OGDH: variants seen among roughly 807,000 people sequenced by gnomAD.
OGDH encodes oxoglutarate dehydrogenase.
A neutral mutation model predicts 116.6 loss-of-function variants in OGDH; 38 were observed. That is an observed-to-expected ratio of 0.33 (90% CI 0.25 to 0.43). The LOEUF (loss-of-function observed/expected upper bound fraction) is 0.43, where lower values mean the gene tolerates loss of function less well. Ranked by LOEUF, OGDH falls within the 20% of genes least tolerant of loss-of-function variation. The probability of loss-of-function intolerance (pLI) is 1.00; values close to 1 mark genes in which losing one functional copy is unlikely to be tolerated. For missense variants in OGDH, 825 were observed against 1,357.2 expected (o/e 0.61, Z 6.16); for synonymous variants, 488 against 533.3 (o/e 0.92, Z 1.17).
intron 20 of OGDH, among the ~76,000 whole-genome samples, chr7:44,702,528 A>G (rs1462619113): frequency 6.6e-6 from 1 of 152,216 alleles, no homozygotes; most frequent in Admixed American, 6.5e-5. Context: ...TCTTCAATCA[A>G]GGTGAGCCCC....
intron 5 of OGDH, among the ~76,000 whole-genome samples, chr7:44,672,641 T>TG (rs1787514875): frequency 6.8e-6 from 1 of 147,764 alleles, no homozygotes; most frequent in Middle Eastern, 3.4e-3. Flanking sequence ...CTTTTTGTTT[T>TG]TTGTTTTTTT....
At chr7:44,685,620 CT>C (rs932082354) in intron 10 of OGDH, among the ~76,000 whole-genome samples, 36 of 146,674 alleles carry the variant, frequency 2.5e-4, no homozygotes, top group South Asian at 2.1e-4. Flanking sequence ...ACCCTGCTTT[CT>C]TTTTTTTTTT....
At chr7:44,607,971 G>T (rs981342699) in intron 1 of OGDH, among the ~76,000 whole-genome samples, 1 of 151,878 alleles carries the variant, frequency 6.6e-6, no homozygotes, top group Non-Finnish European at 1.5e-5. Context: ...AAAGTGCTGG[G>T]ATTACAGGCG....
At chr7:44,653,991 A>G (rs1450152310) in intron 4 of OGDH, among the ~76,000 whole-genome samples, 1 of 152,090 alleles carries the variant, frequency 6.6e-6, no homozygotes, top group Non-Finnish European at 1.5e-5. Flanking sequence ...CATAACTGGG[A>G]TTACAAGCAT....
At chr7:44,648,937 CTT>C (rs1328199011) in intron 4 of OGDH, among the ~76,000 whole-genome samples, 2 of 152,164 alleles carry the variant, frequency 1.3e-5, no homozygotes, top group Admixed American at 1.3e-4. Flanking sequence ...GAGGGCCTCT[CTT>C]TGCAGTGTCC....
chr7:44,693,354 A>G (rs1788445686), intron 10 of OGDH, among the ~76,000 whole-genome samples: 1 of 152,020 alleles, frequency 6.6e-6, no homozygotes, highest in South Asian at 2.1e-4. Context: ...TCACTCCTAT[A>G]ATAACACTTC....
intron 2 of OGDH, among the ~76,000 whole-genome samples, chr7:44,638,958 T>A (rs1026694136): frequency 6.6e-6 from 1 of 152,144 alleles, no homozygotes; most frequent in South Asian, 2.1e-4. Context: ...CAGGTTGAGA[T>A]GAGTGTACAG....
intron 3 of OGDH, 108 bp downstream of exon 3, chr7:44,645,626 C>T (rs932020466): frequency 9.7e-7 from 1 of 1,033,832 alleles, no homozygotes; most frequent in East Asian, 2.6e-5. Context: ...TTTACTTATA[C>T]CTCCTCAAAT....
chr7:44,611,340 C>G (rs982386139), intron 1 of OGDH, among the ~76,000 whole-genome samples: 1 of 152,166 alleles, frequency 6.6e-6, no homozygotes, highest in African/African-American at 2.4e-5. Flanking sequence ...ACGATCTCAG[C>G]TCACTGCAAC....
At chr7:44,705,909 T>C (rs1789050789) in intron 20 of OGDH, among the ~76,000 whole-genome samples, 1 of 152,232 alleles carries the variant, frequency 6.6e-6, no homozygotes, top group Admixed American at 6.5e-5. Context: ...TAATTCCTTC[T>C]ATCTAACTGT....
In OGDH at chr7:44,693,912, G is replaced by A. The variant is rs374095620; in HGVS notation, c.1423G>A (p.Val475Met). Reference sequence around the variant, plus strand: ...AGTGGTGAATGCCCCCATTTTCCACGTGAACTCAGATGACCCCGAGGCTGT... The same window carrying A: ...AGTGGTGAATGCCCCCATTTTCCACATGAACTCAGATGACCCCGAGGCTGT... ...ARVVNAPIFH[V>M]NSDDPEAVMY... The change falls in exon 11 of 23, where the codon GTG (valine) becomes ATG (methionine). Residue 475 changes from valine to methionine, a missense_variant. This residue lies in a region of OGDH where 146 missense variants were observed against 317.3 expected (regional missense o/e 0.46). Transcript: ENST00000222673. The A allele has an allele frequency of 4.3e-6, 7 of 1,613,916 alleles. No individual in the cohort carries two copies. The highest frequency in any genetic ancestry group is 1.3e-5 in the African/African-American group (1 of 74,916).
chr7:44,686,861 T>G (rs971159940), intron 10 of OGDH, among the ~76,000 whole-genome samples: 1 of 151,226 alleles, frequency 6.6e-6, no homozygotes, highest in East Asian at 1.9e-4. Context: ...CTAATTTTTG[T>G]ATTTTCAGTA....
chr7:44,707,138 A>G lies in OGDH; in HGVS notation c.2633-87A>G. On this transcript the variant is annotated intron_variant, in intron 20 of 22. Coordinates refer to ENST00000222673, the MANE Select transcript of OGDH (RefSeq NM_002541.4). The surrounding 1 kb of genome is among the most constrained non-coding windows in gnomAD (Gnocchi z 5.2). ...ACCCTTGAAAGCTGCGTCTCCTGGC[A>G]GCAGTCCCTGGCACAGCCCTGGGCC... The G allele has an allele frequency of 7.1e-7, 1 of 1,406,622 alleles. No homozygotes were observed. 87.1% of individuals were successfully genotyped at this position (1,406,622 alleles called of 1,614,324 possible). A position where few individuals can be genotyped will look rare whatever the true frequency, so the allele number is the denominator to read the frequency against.
chr7:44,655,233 C>G (rs951385250), intron 4 of OGDH, among the ~76,000 whole-genome samples: 7 of 152,190 alleles, frequency 4.6e-5, no homozygotes, highest in Admixed American at 3.9e-4. Flanking sequence ...TTGACATGGT[C>G]TCATGTCTTG....
intron 2 of OGDH, among the ~76,000 whole-genome samples, chr7:44,635,530 T>C (rs1289248183): frequency 6.6e-6 from 1 of 151,596 alleles, no homozygotes; most frequent in Non-Finnish European, 1.5e-5. Context: ...GTGGCTGAGG[T>C]GGAGTAGGGA....
intron 2 of OGDH, 139 bp from the exon 3 acceptor site, chr7:44,645,188 C>A (rs1786114686): frequency 4.2e-6 from 3 of 715,994 alleles, no homozygotes; most frequent in African/African-American, 1.8e-5. Context: ...CAGACAGAGA[C>A]CCCACTGTCC....
rs555530675 is a variant in OGDH, at chr7:44,633,674, G to A, written c.222+9109G>A. 2.0e-5 allele frequency among the ~76,000 whole-genome samples: 3 copies of A among 152,288 alleles called. No individual in the cohort carries two copies. The South Asian group carries it at 6.2e-4, about 32-fold the overall frequency. On this transcript the variant is annotated intron_variant, in intron 2 of 22. Coordinates refer to ENST00000222673, the MANE Select transcript of OGDH (RefSeq NM_002541.4). ...ACCCTCTCTTTGAGTGGTCAGTCAC[G>A]TGGTATTCCCTCTGAAACCCTGGAG...
chr7:44,630,331 G>A (rs1785385643), intron 2 of OGDH, among the ~76,000 whole-genome samples: 1 of 151,972 alleles, frequency 6.6e-6, no homozygotes, highest in African/African-American at 2.4e-5. Context: ...GTGGGTATGT[G>A]GAAGTCTGAT....
chr7:44,703,885 C>CA (rs56014201), intron 20 of OGDH, among the ~76,000 whole-genome samples: 3,737 of 130,076 alleles, frequency 0.029, 125 homozygotes, highest in African/African-American at 0.093. Flanking sequence ...AACTCCGTCT[C>CA]AAAAAAAAAA....
Sources: gnomAD v4.1 joint callset for allele counts (sites outside exome capture counted in the v4.1 genomes callset) on GRCh38, gnomAD v4.1.1 for gene constraint, gnomAD v4.1.1 regional missense constraint, Gnocchi (gnomAD v3.1) non-coding constraint, MANE v1.5 for transcripts, NCBI Gene and HGNC (gene_info 2026-07-23, HGNC 2026-07-21) for gene names.